Variants in MAPK4 observed in about 807,000 individuals in gnomAD.
MAPK4 encodes the protein mitogen-activated protein kinase 4, also known as Erk3-related.
MAPK4 carries 22 observed loss-of-function variants against 47.7 expected under a neutral mutation model. That is an observed-to-expected ratio of 0.46 (90% CI 0.33 to 0.66). MAPK4 has a LOEUF of 0.66. Among genes scored for constraint, MAPK4 ranks in the 30% least tolerant of loss-of-function variants. The pLI is 0.02. For synonymous variants in MAPK4, 390 were observed against 365.7 expected (o/e 1.07, Z -0.76); for missense variants, 736 against 831.7 (o/e 0.88, Z 1.42).
In MAPK4 at chr18:50,729,377, C is replaced by T. The variant is rs779073222; in HGVS notation, c.1287C>T (p.Asp429=). Residue 429 remains aspartate (D), a synonymous_variant, in exon 6 of 6, where the codon GAC becomes GAT. Coordinates refer to ENST00000400384, the MANE Select transcript of MAPK4 (RefSeq NM_002747.4). ...AGGCCGACTACGGGCGCTCCTGCGACTACAAGGTGGGGTCGCCGTCCTACC... is the reference window on the plus strand; with the variant it reads ...AGGCCGACTACGGGCGCTCCTGCGATTACAAGGTGGGGTCGCCGTCCTACC... ...AFEADYGRSC[D]YKVGSPSYLD... 2.5e-6 allele frequency: 4 copies of T among 1,572,536 alleles called. No homozygotes were observed. The highest frequency in any genetic ancestry group is 3.4e-6 in the Non-Finnish European group (4 of 1,161,500).
chr18:50,601,886 A>G (rs1182390388), intron 1 of MAPK4, among the ~76,000 whole-genome samples: 2 of 152,066 alleles, frequency 1.3e-5, no homozygotes, highest in African/African-American at 4.8e-5. Flanking sequence ...CAAGGGCTTT[A>G]TGAGAATAGC....
chr18:50,584,425 A>T (rs2042372198), intron 1 of MAPK4, among the ~76,000 whole-genome samples: 1 of 147,106 alleles, frequency 6.8e-6, no homozygotes, highest in Non-Finnish European at 1.5e-5. Flanking sequence ...TCATGTTCTT[A>T]AAAAAAAAGC....
In MAPK4 at chr18:50,729,520, C is replaced by T; in HGVS notation, c.1430C>T (p.Ala477Val). Residue 477 changes from alanine to valine, a missense_variant, in exon 6 of 6, where the codon GCG becomes GTG. Around this residue, in one of 3 missense-constraint regions of MAPK4, gnomAD observed 377 missense variants for 378.6 expected, o/e 1.00. Coordinates refer to ENST00000400384, the MANE Select transcript of MAPK4 (RefSeq NM_002747.4). ...GCGCCCCCCACGGCCACGGGGCTGG[C>T]GGACACGGGGGCGCGCGAGGACGAG... ...AGAPPTATGLADTGAREDEPA... is the reference protein window; with the variant it reads ...AGAPPTATGLVDTGAREDEPA... 2.8e-6 allele frequency: 4 copies of T among 1,439,140 alleles called. No individual in the cohort carries two copies. The highest frequency in any genetic ancestry group is 3.6e-6 in the Non-Finnish European group (4 of 1,096,094). The allele number at this position is 1,439,140 out of a possible 1,614,324, so 89.1% of individuals were successfully genotyped here.
intron 1 of MAPK4, among the ~76,000 whole-genome samples, chr18:50,569,681 CT>C (rs749049204): frequency 5.3e-5 from 8 of 152,194 alleles, no homozygotes; most frequent in Non-Finnish European, 1.2e-4. Flanking sequence ...TGGCTTCAGG[CT>C]GCTAAAAGCC....
chr18:50,562,910 T>C (rs1261635157), intron 1 of MAPK4, among the ~76,000 whole-genome samples: 1 of 152,224 alleles, frequency 6.6e-6, no homozygotes, highest in African/African-American at 2.4e-5. Context: ...ACTGTGGTTT[T>C]TCTCTTATCA....
intron 2 of MAPK4, among the ~76,000 whole-genome samples, chr18:50,710,989 C>G (rs550948916): frequency 3.8e-4 from 58 of 152,296 alleles, no homozygotes; most frequent in African/African-American, 1.4e-3. Context: ...GGCTCCAGAT[C>G]AGAACTGGTG....
chr18:50,656,891 C>A (rs1172166412), intron 1 of MAPK4, among the ~76,000 whole-genome samples: 1 of 152,110 alleles, frequency 6.6e-6, no homozygotes. Flanking sequence ...ATCATCTCAG[C>A]CTCAAGTAAA....
intron 1 of MAPK4, among the ~76,000 whole-genome samples, chr18:50,659,333 G>A (rs905176535): frequency 1.3e-5 from 2 of 152,190 alleles, no homozygotes; most frequent in South Asian, 2.1e-4. Context: ...AGGGCTTCCT[G>A]TAAGTTTCAG....
At chr18:50,648,590 A>C (rs1044629502) in intron 1 of MAPK4, among the ~76,000 whole-genome samples, 3 of 152,202 alleles carry the variant, frequency 2.0e-5, no homozygotes, top group African/African-American at 7.2e-5. Context: ...GATGCCACAG[A>C]TCCTACAGTG....
intron 1 of MAPK4, among the ~76,000 whole-genome samples, chr18:50,654,770 A>G (rs1429541073): frequency 6.6e-6 from 1 of 152,182 alleles, no homozygotes; most frequent in Non-Finnish European, 1.5e-5. Context: ...CTTCCCACGC[A>G]GGGACCCAGA....
chr18:50,716,738 T>C (rs548545379), intron 3 of MAPK4, among the ~76,000 whole-genome samples: 4 of 152,208 alleles, frequency 2.6e-5, no homozygotes, highest in East Asian at 1.9e-4. Flanking sequence ...CTCCTAACCA[T>C]GCTGTCTTGG....
At chr18:50,669,844 G>A (rs993286455) in intron 2 of MAPK4, 2 of 152,152 alleles carry the variant, frequency 1.3e-5, no homozygotes, top group Admixed American at 6.5e-5. Context: ...AGTTCTATTT[G>A]CTTCTGACAG....
intron 2 of MAPK4, among the ~76,000 whole-genome samples, chr18:50,680,034 A>G (rs1326254261): frequency 6.8e-6 from 1 of 146,072 alleles, no homozygotes; most frequent in African/African-American, 2.5e-5. Flanking sequence ...CACTACCCAG[A>G]GTATTCCTTT....
intron 2 of MAPK4, among the ~76,000 whole-genome samples, chr18:50,703,612 A>G (rs1430953565): frequency 6.6e-6 from 1 of 152,174 alleles, no homozygotes; most frequent in Non-Finnish European, 1.5e-5. Context: ...TATCGAGTTG[A>G]TATGTTGACA....
chr18:50,713,048 A>T (rs1910460187), intron 2 of MAPK4, among the ~76,000 whole-genome samples: 1 of 152,214 alleles, frequency 6.6e-6, no homozygotes, highest in Non-Finnish European at 1.5e-5. Context: ...AAGGCTACAT[A>T]CTGTCATTCC....
At position 50,576,658 on chromosome 18, in the gene MAPK4, T is replaced by C. The variant is rs956700232; in HGVS notation, c.-871+16415T>C. Among the ~76,000 whole-genome samples the C allele has an allele frequency of 2.0e-5, 3 of 152,306 alleles. No individual in the cohort carries two copies. The South Asian group carries it at 6.2e-4, about 32-fold the overall frequency. ...AAATAAAAGTTAAAAAAATAAAAATTTCTACCAACATCTAATGTGAAAAAG... is the reference window on the plus strand; with the variant it reads ...AAATAAAAGTTAAAAAAATAAAAATCTCTACCAACATCTAATGTGAAAAAG... On this transcript the variant is annotated intron_variant, in intron 1 of 5. Coordinates refer to ENST00000400384, the MANE Select transcript of MAPK4 (RefSeq NM_002747.4).
intron 1 of MAPK4, among the ~76,000 whole-genome samples, chr18:50,641,471 C>G (rs908143362): frequency 2.0e-5 from 3 of 151,972 alleles, no homozygotes; most frequent in African/African-American, 7.2e-5. Context: ...TATAGATGTT[C>G]GATTTGAACT....
chr18:50,656,628 TG>T (rs1214205117), intron 1 of MAPK4, among the ~76,000 whole-genome samples: 1 of 152,218 alleles, frequency 6.6e-6, no homozygotes, highest in Non-Finnish European at 1.5e-5. Flanking sequence ...CCAGGATCAC[TG>T]GGGCATCTGG....
intron 1 of MAPK4, among the ~76,000 whole-genome samples, chr18:50,569,079 T>G (rs2042227805): frequency 6.6e-6 from 1 of 152,392 alleles, no homozygotes; most frequent in Admixed American, 6.5e-5. Flanking sequence ...TTTGTTCTGG[T>G]TCTCATGCTG....
Sources: gnomAD v4.1 joint callset for allele counts (sites outside exome capture counted in the v4.1 genomes callset) on GRCh38, gnomAD v4.1.1 for gene constraint, gnomAD v4.1.1 regional missense constraint, MANE v1.5 for transcripts, NCBI Gene and HGNC (gene_info 2026-07-23, HGNC 2026-07-21) for gene names.